VSIG10L: variants seen among roughly 807,000 people sequenced by gnomAD.
VSIG10L encodes V-set and immunoglobulin domain containing 10 like, also known as V-set and immunoglobulin domain-containing protein 10-like.
A neutral mutation model predicts 67.3 loss-of-function variants in VSIG10L; 63 were observed. The ratio of observed to expected loss-of-function variants is 0.94; its 90% CI spans 0.76 to 1.15. VSIG10L has a LOEUF of 1.15. Ranked by LOEUF, VSIG10L falls within the 50% of genes most tolerant of loss-of-function variation. The pLI, the probability that VSIG10L is intolerant of heterozygous loss-of-function variation, is 0.00. For synonymous variants in VSIG10L, 499 were observed against 524.9 expected, an observed-to-expected ratio of 0.95 and a Z score of 0.67; for missense variants, 1,050 against 1,177.5, an observed-to-expected ratio of 0.89 and a Z score of 1.58.
chr19:51,333,421 C>T (rs1418646715), intron 9 of VSIG10L, among the ~76,000 whole-genome samples: 2 of 151,880 alleles, frequency 1.3e-5, no homozygotes, highest in African/African-American at 4.8e-5. Context: ...CCCAGCTACT[C>T]AAGTGGCTGA....
Position 51,337,338 on chromosome 19 carries a change from C to T in VSIG10L, c.2205G>A (p.Val735=). 2.6e-6 allele frequency: 4 copies of T among 1,551,662 alleles called. No individual in the cohort carries two copies. Among genetic ancestry groups the T allele is most frequent in the Non-Finnish European group, 3.5e-6 (4 of 1,146,970 alleles). The stretch of plus-strand genomic sequence containing the variant: ...TCCCTGGGTTCCGAGGTGGAAGGGG[C>T]ACCACGGCTGACCGCTCCTGAGGCC... ...ILGPQERSAV[V]PLPPRNPGTW... Residue 735 remains valine (V), a synonymous_variant, in exon 7 of 10, where the codon GTG becomes GTA. Transcript: ENST00000335624.
Position 51,340,589 on chromosome 19 carries a change from C to T in VSIG10L, c.1033G>A (p.Ala345Thr). 2 of 1,535,300 alleles carry T rather than the reference C, an allele frequency of 1.3e-6. No individual in the cohort carries two copies. The highest frequency in any genetic ancestry group is 1.7e-6 in the Non-Finnish European group (2 of 1,146,214). Reference protein sequence around the residue: ...SWSRDGRALEAAESEGAETPR... With the variant: ...SWSRDGRALETAESEGAETPR... ...GTCTCGGCTCCCTCCGATTCCGCCG[C>T]CTCCAGGGCGCGTCCGTCCCGGCTC... The change falls in exon 3 of 10, where the codon GCG becomes ACG. Residue 345 changes from alanine to threonine, a missense_variant. By Grantham distance (58) the Ala-to-Thr change is moderately conservative. Transcript: ENST00000335624. The surrounding 1 kb of genome is among the most constrained non-coding windows in gnomAD (Gnocchi z 6.3).
rs1174007169 is a variant in VSIG10L at position 51,332,012 on chromosome 19, GAGAC to G, written c.*595_*598del. 1 of 155,672 alleles carries G rather than the reference GAGAC, an allele frequency of 6.4e-6. No individual in the cohort carries two copies. Among genetic ancestry groups the G allele is most frequent in the East Asian group, 1.9e-4 (1 of 5,268 alleles). 9.6% of individuals were successfully genotyped at this position (155,672 alleles called of 1,614,324 possible). A position where few individuals can be genotyped will look rare whatever the true frequency, so the allele number is the denominator to read the frequency against. On this transcript the variant is annotated 3_prime_UTR_variant, in exon 10 of 10. Coordinates refer to ENST00000335624, the MANE Select transcript of VSIG10L (RefSeq NM_001163922.3). ...TAGGGGCAAAATAAATTGTGGCTGA[GAGAC>G]AGACTGTGATACTGGAGTCCGGGGG...
intron 5 of VSIG10L, 143 bp from the exon 6 acceptor site, chr19:51,338,351 A>G (rs1008309416): frequency 2.4e-6 from 2 of 831,338 alleles, no homozygotes; most frequent in Non-Finnish European, 3.5e-6. Context: ...TTACTCACTC[A>G]TTAGCTCATT....
In VSIG10L at chr19:51,341,763, T is replaced by G. The variant is rs1234409041; in HGVS notation, c.285A>C (p.Ser95=). The G allele has an allele frequency of 6.4e-7, 1 of 1,551,480 alleles. No homozygotes were observed. Among genetic ancestry groups the G allele is most frequent in the Non-Finnish European group, 8.7e-7 (1 of 1,146,972 alleles). ...AATCTTGGCCCTCAGCAGAAACATT[T>G]GACCAGAAGGACCCAGACATGTTGG... ...LSSNMSGSFW[S]NVSAEGQDLS... The change falls in exon 2 of 10, where the codon TCA becomes TCC. Residue 95 remains serine, a synonymous_variant. Transcript: ENST00000335624.
chr19:51,339,892 C>G, intron 4 of VSIG10L, 123 bp downstream of exon 4: 2 of 1,049,886 alleles, frequency 1.9e-6, no homozygotes, highest in Non-Finnish European at 1.2e-6. Context: ...CTCCCGCTGG[C>G]CCTGCCCCAC....
At position 51,332,603 on chromosome 19, in the gene VSIG10L, G is replaced by T; in HGVS notation, c.*8C>A. 6.5e-7 allele frequency: 1 copy of T among 1,547,810 alleles called. No individual in the cohort carries two copies. Among genetic ancestry groups the T allele is most frequent in the Non-Finnish European group, 8.7e-7 (1 of 1,146,350 alleles). On this transcript the variant is annotated 3_prime_UTR_variant, in exon 10 of 10. Transcript: ENST00000335624. ...GTGTGGCTGCGCGAACAGTCTTTGA[G>T]CCTCCGCCTACAGAGACAACTGAAC...
intron 2 of VSIG10L, 46 bp downstream of exon 2, chr19:51,341,107 A>G (rs1371339672): frequency 1.4e-6 from 2 of 1,461,898 alleles, no homozygotes; most frequent in Non-Finnish European, 1.8e-6. Context: ...CTGGCAGAGC[A>G]GAGCAGCCCC....
Position 51,337,976 on chromosome 19 carries a change from C to T in VSIG10L, c.1962G>A (p.Leu654=), listed in dbSNP as rs1410958967. Residue 654 remains leucine (L), a synonymous_variant, in exon 6 of 10, where the codon CTG becomes CTA. Transcript: ENST00000335624. The part of the protein sequence containing the change: ...LDWDLGNYSV[L]CSGALGAGGD... ...CGCCAGCACCCAGCGCCCCACTGCA[C>T]AGCACGGAGTAATTTCCCAGGTCCC... The T allele has an allele frequency of 1.3e-6, 2 of 1,551,624 alleles. No individual in the cohort carries two copies. The highest frequency in any genetic ancestry group is 1.2e-5 in the South Asian group (1 of 84,062).
At chr19:51,332,711 AC>A (rs1985388126) in intron 9 of VSIG10L, 71 bp from the exon 10 acceptor site, 1 of 1,414,938 alleles carries the variant, frequency 7.1e-7, no homozygotes, top group Non-Finnish European at 9.5e-7. Flanking sequence ...CACCCGCCTA[AC>A]TTTTTCTAGC....
At chr19:51,335,401 G>C (rs977423333) in intron 7 of VSIG10L, among the ~76,000 whole-genome samples, 1 of 152,174 alleles carries the variant, frequency 6.6e-6, no homozygotes, top group African/African-American at 2.4e-5. Flanking sequence ...CCAGGCAAGA[G>C]AGGATGCTGT....
rs1442646997 is a variant in VSIG10L at position 51,341,232 on chromosome 19, G to A, written c.816C>T (p.Asp272=). Residue 272 remains aspartate, a synonymous_variant, in exon 2 of 10, where the codon GAC becomes GAT. Transcript: ENST00000335624. ...GVLELASAQL[D]DAGVYTAEVI... ...CCTCAGCCGTGTAGACCCCTGCATC[G>A]TCCAGCTGGGCAGAGGCGAGCTCCA... 2.7e-5 allele frequency: 42 copies of A among 1,550,820 alleles called. No individual in the cohort carries two copies. The highest frequency in any genetic ancestry group is 3.5e-5 in the Non-Finnish European group (40 of 1,146,878).
intron 7 of VSIG10L, among the ~76,000 whole-genome samples, chr19:51,335,454 AG>A (rs1985458101): frequency 2.0e-5 from 3 of 152,326 alleles, no homozygotes; most frequent in Admixed American, 2.0e-4. Context: ...ATATTTTAGA[AG>A]GAAAATGGAC....
chr19:51,338,319 C>T, intron 5 of VSIG10L, 111 bp from the exon 6 acceptor site: 2 of 1,243,802 alleles, frequency 1.6e-6, no homozygotes, highest in East Asian at 5.4e-5. Flanking sequence ...ACGCTTTGGC[C>T]ACCTGAGAAA....
rs756506584 is a variant in VSIG10L, at chr19:51,338,199, CG to C, written c.1738del (p.Arg580GlufsTer108). On this transcript the variant is annotated frameshift_variant, in exon 6 of 10. Coordinates refer to ENST00000335624, the MANE Select transcript of VSIG10L (RefSeq NM_001163922.3). LOFTEE classifies it high-confidence loss of function. ...RTCTVTPEAP[R>X]EVLLHPLVAE... ...CACCAGCGGATGCAGCAGCACCTCT[CG>C]GGGGGCCTCTGCCGGTGGGAGAAGT... is the stretch of plus-strand genomic sequence containing the variant. 2 of 1,468,962 alleles carry C rather than the reference CG, an allele frequency of 1.4e-6. No individual in the cohort carries two copies. The highest frequency in any genetic ancestry group is 9.0e-7 in the Non-Finnish European group (1 of 1,109,032). The allele number at this position is 1,468,962 out of a possible 1,614,324, so 91.0% of individuals were successfully genotyped here. A position where few individuals can be genotyped will look rare whatever the true frequency, so the allele number is the denominator to read the frequency against.
chr19:51,335,137 A>C (rs532854236), intron 7 of VSIG10L, among the ~76,000 whole-genome samples: 1 of 152,316 alleles, frequency 6.6e-6, no homozygotes, highest in African/African-American at 2.4e-5. Flanking sequence ...AAGGCCCAGA[A>C]CTAGAAAAGC....
In VSIG10L at chr19:51,332,520, AG is replaced by A. The variant is rs1985382306; in HGVS notation, c.*90del. ...GCCCTGGCTGCTGCTGGAGTGAAAT[AG>A]GAAGTTCTGGCCCAAAACGCCCTGT... On this transcript the variant is annotated 3_prime_UTR_variant, in exon 10 of 10. Coordinates refer to ENST00000335624, the MANE Select transcript of VSIG10L (RefSeq NM_001163922.3). The A allele has an allele frequency of 6.2e-6, 9 of 1,445,378 alleles. No individual in the cohort carries two copies. The highest frequency in any genetic ancestry group is 8.6e-6 in the Non-Finnish European group (9 of 1,050,464). 89.5% of individuals were successfully genotyped at this position (1,445,378 alleles called of 1,614,324 possible).
At chr19:51,334,050 T>C (rs1985420559) in intron 8 of VSIG10L, 105 bp from the exon 9 acceptor site, 2 of 1,500,364 alleles carry the variant, frequency 1.3e-6, no homozygotes, top group Non-Finnish European at 1.8e-6. Flanking sequence ...AGCCTTATGC[T>C]GATTGGCTGA....
In VSIG10L at chr19:51,341,836, G is replaced by A; in HGVS notation, c.212C>T (p.Ala71Val). 2 of 1,551,662 alleles carry A rather than the reference G, an allele frequency of 1.3e-6. No individual in the cohort carries two copies. Among genetic ancestry groups the A allele is most frequent in the South Asian group, 2.4e-5 (2 of 84,056 alleles). The change falls in exon 2 of 10, where the codon GCC (alanine) becomes GTC (valine). Residue 71 changes from alanine (A) to valine (V), a missense_variant. By Grantham distance (64) the Ala-to-Val change is moderately conservative. Transcript: ENST00000335624. ...KVPDQFLDSK[A>V]SAGISDSSWF... The stretch of plus-strand genomic sequence containing the variant: ...GCTGGAATCAGAGATTCCAGCAGAG[G>A]CTTTTGAATCCAGGAACTGATCTGG...
Sources: allele counts gnomAD v4.1 joint callset (sites outside exome capture counted in the v4.1 genomes callset), GRCh38; gene constraint gnomAD v4.1.1; non-coding constraint Gnocchi (gnomAD v3.1); transcripts MANE v1.5; gene names NCBI Gene and HGNC (gene_info 2026-07-23, HGNC 2026-07-21).